The following RBMS3 variants were observed in gnomAD, a reference collection of about 807,000 sequenced individuals.
RBMS3 encodes the protein RNA-binding motif, single-stranded-interacting protein 3.
In RBMS3, 27 loss-of-function variants were observed where a neutral mutation model predicts 66.8. That is an observed-to-expected ratio of 0.40 (90% CI 0.30 to 0.56). The LOEUF (loss-of-function observed/expected upper bound fraction) is 0.56, where lower values mean the gene tolerates loss of function less well. RBMS3 is among the 20% of genes least tolerant of loss of function. The pLI, the probability that RBMS3 is intolerant of heterozygous loss-of-function variation, is 0.40. For missense variants in RBMS3, 513 were observed against 549.5 expected, an observed-to-expected ratio of 0.93 and a Z score of 0.66; for synonymous variants, 188 against 183.0, an observed-to-expected ratio of 1.03 and a Z score of -0.22.
intron 4 of RBMS3, among the ~76,000 whole-genome samples, chr3:29,655,906 G>A (rs977015332): frequency 6.7e-6 from 1 of 150,006 alleles, no homozygotes; most frequent in Non-Finnish European, 1.5e-5. Flanking sequence ...GTGGATTAAT[G>A]TGTGTGTTTG....
At position 29,988,191 on chromosome 3, in the gene RBMS3, A is replaced by C. The variant is rs776298077; in HGVS notation, c.1147A>C (p.Thr383Pro). The C allele has an allele frequency of 2.5e-6, 4 of 1,613,052 alleles. No homozygotes were observed. Among genetic ancestry groups the C allele is most frequent in the Non-Finnish European group, 3.4e-6 (4 of 1,179,310 alleles). The change falls in exon 13 of 15, where the codon ACG becomes CCG. Residue 383 changes from threonine (T) to proline (P), a missense_variant. Physicochemically the swap from Thr to Pro is conservative, Grantham distance 38 (BLOSUM62 -1). Coordinates refer to ENST00000383767, the MANE Select transcript of RBMS3 (RefSeq NM_001003793.3). ...GCAAGGGACCTACATTCCTCAGTAC[A>C]CGCCTGTGCCTCCGACAGCTGTTTC... is the stretch of plus-strand genomic sequence containing the variant. ...PMQGTYIPQY[T>P]PVPPTAVSIE...
chr3:29,333,461 C>G (rs569879509), intron 1 of RBMS3, among the ~76,000 whole-genome samples: 6 of 152,298 alleles, frequency 3.9e-5, no homozygotes, highest in African/African-American at 1.4e-4. Flanking sequence ...AAAAATTCCA[C>G]TGCATTAACC....
chr3:29,298,720 C>A (rs1045477193), intron 1 of RBMS3, among the ~76,000 whole-genome samples: 2 of 151,438 alleles, frequency 1.3e-5, no homozygotes, highest in Non-Finnish European at 2.9e-5. Context: ...GGTCTCATGA[C>A]GTTTTGTGAA....
At chr3:29,735,535 T>C (rs1291715453) in intron 4 of RBMS3, among the ~76,000 whole-genome samples, 1 of 152,186 alleles carries the variant, frequency 6.6e-6, no homozygotes, top group Non-Finnish European at 1.5e-5. Flanking sequence ...AGTCATATAC[T>C]TTTACAATCT....
intron 3 of RBMS3, among the ~76,000 whole-genome samples, chr3:29,542,444 T>C (rs1413605329): frequency 1.3e-5 from 2 of 152,152 alleles, no homozygotes; most frequent in African/African-American, 4.8e-5. Flanking sequence ...CACTGCAACC[T>C]GCGCCTCCCG....
intron 6 of RBMS3, among the ~76,000 whole-genome samples, chr3:29,789,684 C>T (rs1362718348): frequency 6.6e-6 from 1 of 152,070 alleles, no homozygotes; most frequent in East Asian, 1.9e-4. Flanking sequence ...CATTCCTCTT[C>T]TTTTAAATAA....
chr3:29,555,366 C>T (rs1277317951), intron 3 of RBMS3, among the ~76,000 whole-genome samples: 3 of 152,270 alleles, frequency 2.0e-5, no homozygotes, highest in East Asian at 1.9e-4. Flanking sequence ...TCATCCCAAC[C>T]GTTCTCTTCA....
chr3:29,634,897 A>G (rs1372323152), intron 4 of RBMS3, among the ~76,000 whole-genome samples: 2 of 151,768 alleles, frequency 1.3e-5, no homozygotes, highest in Non-Finnish European at 2.9e-5. Flanking sequence ...TCTGAAGTAC[A>G]CTAGTTTGAG....
At chr3:29,554,509 A>G (rs1304045301) in intron 3 of RBMS3, among the ~76,000 whole-genome samples, 2 of 152,218 alleles carry the variant, frequency 1.3e-5, no homozygotes, top group African/African-American at 4.8e-5. Flanking sequence ...CTTATTTACT[A>G]TAAATGGAAG....
At chr3:29,450,921 ACACACACACACC>A (rs959296542) in intron 2 of RBMS3, among the ~76,000 whole-genome samples, 10 of 122,990 alleles carry the variant, frequency 8.1e-5, no homozygotes, top group African/African-American at 2.4e-4. Flanking sequence ...ACACACACAC[ACACACACACACC>A]CCCCACACAC....
intron 14 of RBMS3, among the ~76,000 whole-genome samples, chr3:29,993,594 G>C (rs532107264): frequency 1.3e-5 from 2 of 152,248 alleles, no homozygotes; most frequent in South Asian, 2.1e-4. Flanking sequence ...TTGAACCCCT[G>C]AATAGAGCAA....
At chr3:29,964,105 G>A (rs1696665366) in intron 12 of RBMS3, among the ~76,000 whole-genome samples, 2 of 152,252 alleles carry the variant, frequency 1.3e-5, no homozygotes, top group South Asian at 2.1e-4. Context: ...TTTCTGAAAT[G>A]CTTATTAAAA....
At chr3:29,900,298 A>G (rs1347763222) in intron 10 of RBMS3, among the ~76,000 whole-genome samples, 2 of 151,798 alleles carry the variant, frequency 1.3e-5, no homozygotes, top group African/African-American at 4.8e-5. Context: ...TTATATAGAT[A>G]GATGGCAAGG....
chr3:29,793,870 G>A (rs2057092878), intron 6 of RBMS3, among the ~76,000 whole-genome samples: 1 of 152,216 alleles, frequency 6.6e-6, no homozygotes, highest in African/African-American at 2.4e-5. Flanking sequence ...AGCTTGGTGG[G>A]AGGTGTTTGG....
intron 4 of RBMS3, among the ~76,000 whole-genome samples, chr3:29,605,668 C>A (rs958246575): frequency 2.6e-5 from 4 of 151,876 alleles, no homozygotes; most frequent in Non-Finnish European, 4.4e-5. Context: ...AAATGAATTT[C>A]AGTTATGCTT....
chr3:29,742,798 A>G (rs1314740111), intron 5 of RBMS3, among the ~76,000 whole-genome samples: 1 of 152,156 alleles, frequency 6.6e-6, no homozygotes, highest in African/African-American at 2.4e-5. Context: ...CGTTCTGTGA[A>G]GTTTCAGAAT....
chr3:29,868,238 T>A (rs1179983866), intron 6 of RBMS3, among the ~76,000 whole-genome samples: 1 of 151,676 alleles, frequency 6.6e-6, no homozygotes, highest in African/African-American at 2.4e-5. Flanking sequence ...TATAGCCATA[T>A]CCTTTGGCTA....
chr3:29,437,304 C>T (rs1398451166), intron 2 of RBMS3, among the ~76,000 whole-genome samples: 1 of 152,182 alleles, frequency 6.6e-6, no homozygotes, highest in African/African-American at 2.4e-5. Flanking sequence ...CTATGAATTG[C>T]TGTGTCAATA....
At chr3:29,373,587 T>C (rs368526470) in intron 1 of RBMS3, among the ~76,000 whole-genome samples, 4 of 152,186 alleles carry the variant, frequency 2.6e-5, no homozygotes, top group East Asian at 1.9e-4. Context: ...CAGACTGTTA[T>C]CAGTGGTTAA....
Sources: gnomAD v4.1 joint callset for allele counts (sites outside exome capture counted in the v4.1 genomes callset) on GRCh38, gnomAD v4.1.1 for gene constraint, MANE v1.5 for transcripts, NCBI Gene and HGNC (gene_info 2026-07-23, HGNC 2026-07-21) for gene names.